The following DPP8 variants were observed in gnomAD, a reference collection of about 807,000 sequenced individuals.
DPP8 encodes the protein dipeptidyl peptidase 8, also known as DPP VIII.
DPP8 carries 31 observed loss-of-function variants against 107.5 expected under a neutral mutation model. The observed-to-expected ratio is 0.29, with a 90% confidence interval of 0.22 to 0.39. The LOEUF (loss-of-function observed/expected upper bound fraction) is 0.39, where lower values mean the gene tolerates loss of function less well. Ranked by LOEUF, DPP8 falls within the 10% of genes least tolerant of loss-of-function variation. DPP8 has a pLI of 1.00. For synonymous variants in DPP8, 381 were observed against 356.6 expected (o/e 1.07, Z -0.77); for missense variants, 842 against 1,076.1 (o/e 0.78, Z 3.04).
chr15:65,457,789 C>A (rs1258998254), intron 15 of DPP8, among the ~76,000 whole-genome samples: 1 of 151,862 alleles, frequency 6.6e-6, no homozygotes, highest in East Asian at 1.9e-4. Context: ...AGTAAAGGCA[C>A]TTGTATTTAT....
intron 1 of DPP8, among the ~76,000 whole-genome samples, chr15:65,515,311 G>A (rs1467128762): frequency 1.3e-5 from 2 of 152,116 alleles, no homozygotes; most frequent in Non-Finnish European, 2.9e-5. Flanking sequence ...TGGTATTCCT[G>A]AATCGTACTA....
chr15:65,497,231 G>A (rs1345455623), intron 5 of DPP8, among the ~76,000 whole-genome samples: 2 of 151,846 alleles, frequency 1.3e-5, no homozygotes, highest in Admixed American at 1.3e-4. Context: ...TTTTCTATCT[G>A]TTTCTCAAAA....
chr15:65,488,992 C>T lies in DPP8; in HGVS notation c.827-1174G>A, dbSNP rs181825931. ...TTTGTTTGTTTTCGAGACGGAGTCT[C>T]GCTCTGTTGCCAGGCTGGAGCAGAG... On this transcript the variant is annotated intron_variant, in intron 6 of 19. Transcript: ENST00000300141. Among the ~76,000 whole-genome samples, 112 of 152,286 alleles carry T rather than the reference C, an allele frequency of 7.4e-4. 1 individual carries two copies. The East Asian group carries it at 0.018, about 24-fold the overall frequency.
chr15:65,500,534 T>C (rs2069107451), intron 4 of DPP8, 72 bp downstream of exon 4: 1 of 1,224,448 alleles, frequency 8.2e-7, no homozygotes, highest in South Asian at 1.5e-5. Context: ...GTTTATTAAT[T>C]ACCTTTCTGC....
intron 17 of DPP8, among the ~76,000 whole-genome samples, chr15:65,453,739 C>T (rs1284665377): frequency 6.6e-6 from 1 of 151,610 alleles, no homozygotes; most frequent in East Asian, 2.0e-4. Flanking sequence ...AACAGAACAA[C>T]AACAAAAAAC....
chr15:65,512,296 A>T lies in DPP8; in HGVS notation c.258T>A (p.Leu86=). Reference sequence around the variant, plus strand: ...CAGAAACTACAACTTCGTACTCACCAAGGTAATAGATTCTGTCTGAATGAG... The same window carrying T: ...CAGAAACTACAACTTCGTACTCACCTAGGTAATAGATTCTGTCTGAATGAG... ...DGPHSDRIYY[L]AMSGENRENT... The change falls in exon 2 of 20, where the codon CTT becomes CTA. Residue 86 remains leucine, a splice_region_variant and synonymous_variant. Transcript: ENST00000300141. 7 of 1,608,772 alleles carry T rather than the reference A, an allele frequency of 4.4e-6. No homozygotes were observed. The highest frequency in any genetic ancestry group is 5.9e-6 in the Non-Finnish European group (7 of 1,177,516).
chr15:65,505,630 T>C (rs1430313006), intron 3 of DPP8, among the ~76,000 whole-genome samples: 1 of 152,094 alleles, frequency 6.6e-6, no homozygotes, highest in Non-Finnish European at 1.5e-5. Flanking sequence ...TAAAGGGCAA[T>C]GTTCATGACA....
At chr15:65,503,852 T>A (rs2141023734) in intron 3 of DPP8, among the ~76,000 whole-genome samples, 1 of 152,100 alleles carries the variant, frequency 6.6e-6, no homozygotes, top group Admixed American at 6.5e-5. Context: ...CTTGAACTCC[T>A]GACTTCAAGT....
chr15:65,473,860 T>C (rs2066136578), intron 12 of DPP8, among the ~76,000 whole-genome samples: 1 of 151,988 alleles, frequency 6.6e-6, no homozygotes, highest in Non-Finnish European at 1.5e-5. Context: ...TCCCAACACT[T>C]TGGGAGGCTG....
At chr15:65,473,859 T>G (rs753340021) in intron 12 of DPP8, among the ~76,000 whole-genome samples, 8 of 152,090 alleles carry the variant, frequency 5.3e-5, no homozygotes, top group Non-Finnish European at 8.8e-5. Context: ...ATCCCAACAC[T>G]TTGGGAGGCT....
intron 10 of DPP8, among the ~76,000 whole-genome samples, chr15:65,479,898 T>C (rs2066756083): frequency 6.7e-6 from 1 of 148,282 alleles, no homozygotes; most frequent in Non-Finnish European, 1.5e-5. Context: ...TTTGGTACAG[T>C]TTACCAACAT....
chr15:65,458,049 C>T (rs1157685255), intron 15 of DPP8, among the ~76,000 whole-genome samples: 1 of 152,210 alleles, frequency 6.6e-6, no homozygotes, highest in Non-Finnish European at 1.5e-5. Flanking sequence ...AATCACCTCA[C>T]TTCTTTGTCT....
At chr15:65,503,944 T>C (rs1313382532) in intron 3 of DPP8, among the ~76,000 whole-genome samples, 1 of 152,022 alleles carries the variant, frequency 6.6e-6, no homozygotes, top group Admixed American at 6.5e-5. Flanking sequence ...TTTTTTTTAG[T>C]AGAGATGAGG....
In DPP8 at chr15:65,466,664, G is replaced by A. The variant is rs1217774537; in HGVS notation, c.1825+14C>T. 6.2e-7 allele frequency: 1 copy of A among 1,612,322 alleles called. No individual in the cohort carries two copies. The highest frequency in any genetic ancestry group is 8.5e-7 in the Non-Finnish European group (1 of 1,178,726). On this transcript the variant is annotated intron_variant, in intron 14 of 19. Transcript: ENST00000300141. Reference sequence around the variant, plus strand: ...ATCCTACTTAACGTCAGGATCAGGGGGAAAAAAGAATACCTGCTGAATCCA... The same window carrying A: ...ATCCTACTTAACGTCAGGATCAGGGAGAAAAAAGAATACCTGCTGAATCCA...
intron 3 of DPP8, among the ~76,000 whole-genome samples, chr15:65,504,977 G>T (rs184664212): frequency 6.6e-6 from 1 of 152,048 alleles, no homozygotes; most frequent in Non-Finnish European, 1.5e-5. Flanking sequence ...GTGAGATGCT[G>T]TCTCAATTAA....
At chr15:65,498,719 T>C (rs1401965854) in intron 4 of DPP8, among the ~76,000 whole-genome samples, 2 of 152,062 alleles carry the variant, frequency 1.3e-5, no homozygotes, top group Non-Finnish European at 2.9e-5. Context: ...CTCATAAAAA[T>C]GTAATAGAAG....
intron 5 of DPP8, among the ~76,000 whole-genome samples, chr15:65,495,120 T>C (rs1294296155): frequency 6.6e-6 from 1 of 152,176 alleles, no homozygotes; most frequent in Admixed American, 6.6e-5. Flanking sequence ...TCAGAACTTA[T>C]GCTTCAGAAC....
chr15:65,482,309 C>G (rs2067003220), intron 8 of DPP8, among the ~76,000 whole-genome samples: 1 of 152,036 alleles, frequency 6.6e-6, no homozygotes, highest in Non-Finnish European at 1.5e-5. Flanking sequence ...ACTGGAGAGT[C>G]TTCACTCTGT....
At chr15:65,452,189 T>G (rs563119162) in intron 17 of DPP8, 87 bp from the exon 18 acceptor site, 1 of 1,455,654 alleles carries the variant, frequency 6.9e-7, no homozygotes, top group East Asian at 2.4e-5. Flanking sequence ...ATTTACAGTC[T>G]AAAATTATCC....
Sources: allele counts gnomAD v4.1 joint callset (sites outside exome capture counted in the v4.1 genomes callset), GRCh38; gene constraint gnomAD v4.1.1; transcripts MANE v1.5; gene names NCBI Gene and HGNC (gene_info 2026-07-23, HGNC 2026-07-21).